Variants in MEIOB observed in about 807,000 individuals in gnomAD.
MEIOB encodes meiosis-specific with OB domain-containing protein.
MEIOB carries 50 observed loss-of-function variants against 53.1 expected under a neutral mutation model. That is an observed-to-expected ratio of 0.94 (90% CI 0.75 to 1.19). The LOEUF (loss-of-function observed/expected upper bound fraction) is 1.19. MEIOB is among the 50% of genes most tolerant of loss of function. The pLI, the probability that MEIOB is intolerant of heterozygous loss-of-function variation, is 0.00. For missense variants in MEIOB, 551 were observed against 550.8 expected (o/e 1.00, Z 0.00); for synonymous variants, 192 against 182.5 (o/e 1.05, Z -0.42).
chr16:1,871,747 C>G (rs1439573322), intron 1 of MEIOB, among the ~76,000 whole-genome samples: 3 of 145,670 alleles, frequency 2.1e-5, no homozygotes, highest in Non-Finnish European at 4.5e-5. Flanking sequence ...ATCGCGAGGT[C>G]AGGAATTTGA....
At chr16:1,867,493 TCAGAAGA>T (rs1567282664) in intron 2 of MEIOB, among the ~76,000 whole-genome samples, 42 of 132,164 alleles carry the variant, frequency 3.2e-4, no homozygotes, top group Non-Finnish European at 3.9e-4. Context: ...TTTTTTTTTT[TCAGAAGA>T]GTTTTGCTCT....
At position 1,867,683 on chromosome 16, in the gene MEIOB, G is replaced by C. The variant is rs1899630685; in HGVS notation, c.69+424C>G. On this transcript the variant is annotated intron_variant, in intron 2 of 13. Coordinates refer to ENST00000325962, the MANE Select transcript of MEIOB (RefSeq NM_001163560.3). ...GATGGGGTTTCTCCATGTTGATCAG[G>C]CTGGTCTCAAACTCCCAACCTCAGG... is the stretch of plus-strand genomic sequence containing the variant. Among the ~76,000 whole-genome samples, 5 of 151,906 alleles carry C rather than the reference G, an allele frequency of 3.3e-5. No individual in the cohort carries two copies. The South Asian group carries it at 1.0e-3, about 32-fold the overall frequency.
chr16:1,839,713 T>C (rs3813761), intron 11 of MEIOB: 28,266 of 343,388 alleles, frequency 0.082, 1,542 homozygotes, highest in South Asian at 0.21. Flanking sequence ...CCCAGTCTCA[T>C]TTCCTTGCTG....
intron 5 of MEIOB, 58 bp from the exon 6 acceptor site, chr16:1,857,988 T>C: frequency 2.7e-6 from 3 of 1,125,690 alleles, no homozygotes; most frequent in Non-Finnish European, 3.8e-6. Context: ...AGAAAAATAT[T>C]TCCAGGTCCA....
At chr16:1,840,578 C>T (rs991670048) in intron 11 of MEIOB, among the ~76,000 whole-genome samples, 1 of 150,308 alleles carries the variant, frequency 6.7e-6, no homozygotes, top group Non-Finnish European at 1.5e-5. Flanking sequence ...CAGTCTCGCT[C>T]TGTCGCCCAG....
At chr16:1,839,962 G>C (rs1232943320) in intron 11 of MEIOB, 3 of 152,368 alleles carry the variant, frequency 2.0e-5, no homozygotes, top group African/African-American at 4.8e-5. Flanking sequence ...AAGGCTGGCC[G>C]GGTAGCACCC....
chr16:1,842,106 A>G (rs1898926600), intron 10 of MEIOB, 133 bp from the exon 11 acceptor site: 3 of 476,366 alleles, frequency 6.3e-6, no homozygotes, highest in East Asian at 3.6e-5. Context: ...TGTTGGCTAT[A>G]TAAACACTGA....
At position 1,870,606 on chromosome 16, in the gene MEIOB, CAG is replaced by C. The variant is rs1242401932; in HGVS notation, c.-10+1385_-10+1386del. On this transcript the variant is annotated intron_variant, in intron 1 of 13. Transcript: ENST00000325962. Reference sequence around the variant, plus strand: ...TCCACCTGGCAGTGAAAAGTAGAAACAGTGTATACAAGATGCCTCGATGTTCA... The same window carrying C: ...TCCACCTGGCAGTGAAAAGTAGAAACTGTATACAAGATGCCTCGATGTTCA... Among the ~76,000 whole-genome samples, 3 of 152,212 alleles carry C rather than the reference CAG, an allele frequency of 2.0e-5. No individual in the cohort carries two copies. In the East Asian group the frequency reaches 5.8e-4, roughly 29 times the overall value.
intron 2 of MEIOB, among the ~76,000 whole-genome samples, chr16:1,867,039 G>C (rs1899611161): frequency 6.6e-6 from 1 of 152,010 alleles, no homozygotes; most frequent in Non-Finnish European, 1.5e-5. Context: ...TTAGCAAATA[G>C]TTTACCTTTC....
intron 6 of MEIOB, among the ~76,000 whole-genome samples, chr16:1,856,892 C>A (rs1033501965): frequency 6.6e-6 from 1 of 151,306 alleles, no homozygotes; most frequent in African/African-American, 2.4e-5. Context: ...GCCTCCCAAG[C>A]AGCTGAGATT....
At chr16:1,854,842 A>G (rs564444996) in intron 6 of MEIOB, among the ~76,000 whole-genome samples, 3 of 152,136 alleles carry the variant, frequency 2.0e-5, no homozygotes, top group Admixed American at 2.0e-4. Flanking sequence ...TAAAAAAAAA[A>G]AAAAAGAAGA....
At chr16:1,839,486 A>C in intron 11 of MEIOB, 48 bp from the exon 12 acceptor site, 1 of 1,495,648 alleles carries the variant, frequency 6.7e-7, no homozygotes, top group Non-Finnish European at 9.1e-7. Flanking sequence ...CTAAGCTACA[A>C]ATTTCATCTG....
chr16:1,852,590 T>C (rs1899201696), intron 9 of MEIOB, among the ~76,000 whole-genome samples: 2 of 151,504 alleles, frequency 1.3e-5, no homozygotes, highest in South Asian at 4.2e-4. Flanking sequence ...GGTCTTGCTC[T>C]TGTGGCCTAG....
In MEIOB at chr16:1,853,038, C is replaced by G; in HGVS notation, c.778+1G>C. On this transcript the variant is annotated splice_donor_variant, in intron 9 of 13. Transcript: ENST00000325962. LOFTEE classifies it high-confidence loss of function. Reference sequence around the variant, plus strand: ...ATAAAAGGTTTCACAAAGTTTTTTACCTGGATTAGTTGTAATAATGGTTTT... The same window carrying G: ...ATAAAAGGTTTCACAAAGTTTTTTAGCTGGATTAGTTGTAATAATGGTTTT... 1 of 1,598,082 alleles carries G rather than the reference C, an allele frequency of 6.3e-7. No individual in the cohort carries two copies. Among genetic ancestry groups the G allele is most frequent in the Non-Finnish European group, 8.6e-7 (1 of 1,166,842 alleles).
chr16:1,855,031 A>T (rs144814512), intron 6 of MEIOB, among the ~76,000 whole-genome samples: 30 of 152,234 alleles, frequency 2.0e-4, no homozygotes, highest in African/African-American at 7.2e-4. Context: ...AGAGGCTGAG[A>T]GGTCAGCCTA....
intron 1 of MEIOB, among the ~76,000 whole-genome samples, chr16:1,868,444 C>T (rs1322857632): frequency 1.3e-5 from 2 of 152,000 alleles, no homozygotes; most frequent in Non-Finnish European, 2.9e-5. Flanking sequence ...GGAAGAAGTG[C>T]TTGAACCTGG....
chr16:1,840,272 C>T (rs7187600), intron 11 of MEIOB: 1 of 152,308 alleles, frequency 6.6e-6, no homozygotes, highest in Non-Finnish European at 1.5e-5. Flanking sequence ...ACAGCATCCT[C>T]CACATTACTT....
At chr16:1,845,044 A>G in intron 9 of MEIOB, 81 bp from the exon 10 acceptor site, 2 of 670,954 alleles carry the variant, frequency 3.0e-6, no homozygotes, top group Non-Finnish European at 5.2e-6. Context: ...AATCATTTTA[A>G]TAGTAAAAAG....
At chr16:1,851,091 C>G (rs1017258400) in intron 9 of MEIOB, among the ~76,000 whole-genome samples, 2 of 152,096 alleles carry the variant, frequency 1.3e-5, no homozygotes, top group Non-Finnish European at 2.9e-5. Flanking sequence ...CTCTCAGAGC[C>G]GAGTCAGATG....
Sources: allele counts gnomAD v4.1 joint callset (sites outside exome capture counted in the v4.1 genomes callset), GRCh38; gene constraint gnomAD v4.1.1; transcripts MANE v1.5; gene names NCBI Gene and HGNC (gene_info 2026-07-23, HGNC 2026-07-21).